COL14A1: variants seen among roughly 807,000 people sequenced by gnomAD.
The protein encoded by COL14A1 is collagen type XIV alpha 1 chain, also known as collagen alpha-1(XIV) chain.
Under a neutral mutation model 230.3 loss-of-function variants are expected in COL14A1, and 136 were observed. That is an observed-to-expected ratio of 0.59 (90% confidence interval 0.51 to 0.68). The LOEUF is 0.68. Among genes scored for constraint, COL14A1 ranks in the 30% least tolerant of loss-of-function variants. The probability of loss-of-function intolerance (pLI) is 0.00; values close to 1 mark genes in which losing one functional copy is unlikely to be tolerated. For missense variants in COL14A1, 1,976 were observed against 2,215.8 expected (o/e 0.89, Z 2.17); for synonymous variants, 792 against 784.1 (o/e 1.01, Z -0.17).
Position 120,371,905 on chromosome 8 carries a change from GAAC to G in COL14A1, c.*675_*677del. On this transcript the variant is annotated 3_prime_UTR_variant, in exon 48 of 48. Transcript: ENST00000297848. ...TGATGCAAAGAGATATAATTTTAATGAACGATTTATCCAGCAGTGTGTTCCAGG... is the reference window on the plus strand; with the variant it reads ...TGATGCAAAGAGATATAATTTTAATGGATTTATCCAGCAGTGTGTTCCAGG... The G allele has an allele frequency of 2.9e-6, 1 of 344,228 alleles. No individual in the cohort carries two copies. Among genetic ancestry groups the G allele is most frequent in the Non-Finnish European group, 5.2e-6 (1 of 191,254 alleles). 21.3% of individuals were successfully genotyped at this position (344,228 alleles called of 1,614,324 possible). A position where few individuals can be genotyped will look rare whatever the true frequency, so the allele number is the denominator to read the frequency against.
chr8:120,261,071 A>T (rs1034032947), intron 23 of COL14A1, among the ~76,000 whole-genome samples: 3 of 152,206 alleles, frequency 2.0e-5, no homozygotes, highest in Non-Finnish European at 4.4e-5. Flanking sequence ...CAACAACTGT[A>T]TATTTCAAAA....
At chr8:120,127,930 A>G (rs895596053) in intron 1 of COL14A1, among the ~76,000 whole-genome samples, 1 of 152,196 alleles carries the variant, frequency 6.6e-6, no homozygotes, top group Non-Finnish European at 1.5e-5. Flanking sequence ...ATCTGGGATT[A>G]TGATAGTCCA....
At chr8:120,204,863 A>G (rs1418411530) in intron 9 of COL14A1, among the ~76,000 whole-genome samples, 1 of 152,166 alleles carries the variant, frequency 6.6e-6, no homozygotes, top group Non-Finnish European at 1.5e-5. Context: ...AGTGGGGTTG[A>G]GGGTCCAGGC....
intron 42 of COL14A1, among the ~76,000 whole-genome samples, chr8:120,334,588 ACACAC>A (rs1563743703): frequency 3.6e-4 from 47 of 131,910 alleles, no homozygotes; most frequent in African/African-American, 1.5e-3. Context: ...ACACAAAAAC[ACACAC>A]ACACACACAC....
At chr8:120,181,947 T>G (rs1226892253) in intron 5 of COL14A1, among the ~76,000 whole-genome samples, 1 of 151,960 alleles carries the variant, frequency 6.6e-6, no homozygotes, top group Non-Finnish European at 1.5e-5. Flanking sequence ...ATGACACTCC[T>G]CCCCGTCACC....
intron 8 of COL14A1, among the ~76,000 whole-genome samples, chr8:120,200,715 T>TATA (rs1817211385): frequency 4.7e-5 from 4 of 85,780 alleles, no homozygotes; most frequent in South Asian, 4.4e-4. Flanking sequence ...GTTTTCCTAT[T>TATA]TATATATATA....
chr8:120,176,928 G>T (rs1816301896), intron 5 of COL14A1, among the ~76,000 whole-genome samples: 1 of 151,724 alleles, frequency 6.6e-6, no homozygotes, highest in Non-Finnish European at 1.5e-5. Context: ...AGTTGACATG[G>T]TGTTCCAGCA....
At chr8:120,302,095 T>C (rs562795400) in intron 36 of COL14A1, among the ~76,000 whole-genome samples, 58 of 152,196 alleles carry the variant, frequency 3.8e-4, no homozygotes, top group Non-Finnish European at 1.0e-4. Flanking sequence ...GGTTTTTTTC[T>C]TGTAAATTTG....
intron 36 of COL14A1, among the ~76,000 whole-genome samples, chr8:120,307,829 C>T (rs1820899694): frequency 1.3e-5 from 2 of 152,134 alleles, no homozygotes; most frequent in African/African-American, 4.8e-5. Context: ...AATAAACTGG[C>T]ACAGTTAGTT....
chr8:120,209,194 A>G (rs1442859085), intron 11 of COL14A1, among the ~76,000 whole-genome samples: 1 of 151,934 alleles, frequency 6.6e-6, no homozygotes, highest in Non-Finnish European at 1.5e-5. Flanking sequence ...ACATGGCAAA[A>G]CCCGATCTCT....
chr8:120,253,639 C>T (rs1006533314), intron 22 of COL14A1, among the ~76,000 whole-genome samples: 7 of 152,106 alleles, frequency 4.6e-5, no homozygotes, highest in Middle Eastern at 3.2e-3. Flanking sequence ...TTATATAAAT[C>T]AGGGCCGGGT....
chr8:120,291,452 C>T (rs989104940), intron 34 of COL14A1, among the ~76,000 whole-genome samples: 8 of 146,070 alleles, frequency 5.5e-5, no homozygotes, highest in East Asian at 4.3e-4. Flanking sequence ...CCCACCTACT[C>T]GGGAGGCTGA....
intron 5 of COL14A1, among the ~76,000 whole-genome samples, chr8:120,191,461 C>A (rs1163814810): frequency 1.3e-5 from 2 of 150,754 alleles, no homozygotes; most frequent in African/African-American, 4.9e-5. Context: ...AGCTTTACTT[C>A]CAACTATGTG....
Position 120,231,573 on chromosome 8 carries a change from C to T in COL14A1, c.2304C>T (p.Thr768=), listed in dbSNP as rs748253933. The T allele has an allele frequency of 1.1e-5, 17 of 1,613,812 alleles. No individual in the cohort carries two copies. The highest frequency in any genetic ancestry group is 1.4e-5 in the Non-Finnish European group (17 of 1,179,984). ...SDSDVQQFRV[T]YMTAQGDPEE... ...GCGATGTGCAGCAGTTTAGGGTGACCTACATGACAGCTCAAGGGGACCCTG... is the reference window on the plus strand; with the variant it reads ...GCGATGTGCAGCAGTTTAGGGTGACTTACATGACAGCTCAAGGGGACCCTG... Residue 768 remains threonine, a synonymous_variant, in exon 19 of 48, where the codon ACC becomes ACT. Coordinates refer to ENST00000297848, the MANE Select transcript of COL14A1 (RefSeq NM_021110.4).
intron 5 of COL14A1, among the ~76,000 whole-genome samples, chr8:120,187,070 G>A (rs1816675611): frequency 6.6e-6 from 1 of 152,164 alleles, no homozygotes; most frequent in Admixed American, 6.5e-5. Flanking sequence ...ATGAATAGGA[G>A]TTTACCTGGC....
chr8:120,321,092 A>C (rs1336517715), intron 40 of COL14A1, among the ~76,000 whole-genome samples: 1 of 152,184 alleles, frequency 6.6e-6, no homozygotes, highest in East Asian at 1.9e-4. Flanking sequence ...GGATTTTGTT[A>C]CTGTGAGAAA....
intron 14 of COL14A1, among the ~76,000 whole-genome samples, chr8:120,221,033 T>G (rs1432787498): frequency 6.6e-6 from 1 of 152,152 alleles, no homozygotes; most frequent in Non-Finnish European, 1.5e-5. Flanking sequence ...CGGACAGAAG[T>G]CATCTCAGGT....
At chr8:120,334,583 A>AC (rs879641726) in intron 42 of COL14A1, among the ~76,000 whole-genome samples, 2 of 108,758 alleles carry the variant, frequency 1.8e-5, no homozygotes, top group Non-Finnish European at 4.2e-5. Context: ...TTCACACACA[A>AC]AAACACACAC....
chr8:120,247,622 C>T lies in COL14A1; in HGVS notation c.2489C>T (p.Ser830Leu), dbSNP rs374009192. 121 of 1,613,894 alleles carry T rather than the reference C, an allele frequency of 7.5e-5. No individual in the cohort carries two copies. Among genetic ancestry groups the T allele is most frequent in the South Asian group, 5.8e-4 (53 of 91,000 alleles). Residue 830 changes from serine (S) to leucine (L), a missense_variant, in exon 21 of 48, where the codon TCG (serine) becomes TTG (leucine). By Grantham distance (145) the Ser-to-Leu change is moderately radical. Transcript: ENST00000297848. ...TTTCTTTTCTACTCAGTACCATCCTCGGGGCCCCAGAACTTGCGGGTGTCC... is the reference window on the plus strand; with the variant it reads ...TTTCTTTTCTACTCAGTACCATCCTTGGGGCCCCAGAACTTGCGGGTGTCC... ...VSAPGKTLPS[S>L]GPQNLRVSEE...
Sources: gnomAD v4.1 joint callset for allele counts (sites outside exome capture counted in the v4.1 genomes callset) on GRCh38, gnomAD v4.1.1 for gene constraint, MANE v1.5 for transcripts, NCBI Gene and HGNC (gene_info 2026-07-23, HGNC 2026-07-21) for gene names.